The following SND1 variants were observed in gnomAD, a reference collection of about 807,000 sequenced individuals.
SND1 encodes the protein staphylococcal nuclease domain-containing protein 1.
A neutral mutation model predicts 121.7 loss-of-function variants in SND1; 38 were observed. The observed-to-expected ratio is 0.31, with a 90% confidence interval of 0.24 to 0.41. The LOEUF is 0.41. SND1 is among the 10% of genes least tolerant of loss of function. The pLI is 1.00. For synonymous variants in SND1, 401 were observed against 447.4 expected, an observed-to-expected ratio of 0.90 and a Z score of 1.31; for missense variants, 868 against 1,184.6, an observed-to-expected ratio of 0.73 and a Z score of 3.92.
intron 15 of SND1, among the ~76,000 whole-genome samples, chr7:127,985,254 A>T (rs1429997027): frequency 1.3e-5 from 2 of 152,174 alleles, no homozygotes; most frequent in Non-Finnish European, 2.9e-5. Context: ...TGAGTTGTCC[A>T]CTACATTCTG....
chr7:128,033,872 A>G (rs946080911), intron 16 of SND1, among the ~76,000 whole-genome samples: 1 of 152,228 alleles, frequency 6.6e-6, no homozygotes, highest in Admixed American at 6.5e-5. Context: ...TAGTGGGATG[A>G]GAACTCAGGT....
chr7:127,960,743 T>A (rs1306553506), intron 15 of SND1, among the ~76,000 whole-genome samples: 2 of 152,214 alleles, frequency 1.3e-5, no homozygotes, highest in African/African-American at 4.8e-5. Context: ...TATTCAGATC[T>A]TCCCTGTGTT....
At chr7:127,963,327 A>G (rs1309314214) in intron 15 of SND1, among the ~76,000 whole-genome samples, 1 of 147,558 alleles carries the variant, frequency 6.8e-6, no homozygotes, top group African/African-American at 2.5e-5. Context: ...ATATGTATAC[A>G]TGTGCCATGC....
intron 13 of SND1, among the ~76,000 whole-genome samples, chr7:127,895,212 A>C (rs1227121354): frequency 6.6e-6 from 1 of 152,088 alleles, no homozygotes; most frequent in African/African-American, 2.4e-5. Flanking sequence ...TGACCTCAAC[A>C]AGGGAAAATT....
intron 15 of SND1, among the ~76,000 whole-genome samples, chr7:127,983,646 T>C (rs1309112410): frequency 6.6e-6 from 1 of 152,116 alleles, no homozygotes; most frequent in African/African-American, 2.4e-5. Flanking sequence ...TCAACAAAAA[T>C]TGTGTTGAAA....
intron 10 of SND1, among the ~76,000 whole-genome samples, chr7:127,791,781 C>G (rs1342664853): frequency 6.6e-6 from 1 of 152,156 alleles, no homozygotes; most frequent in African/African-American, 2.4e-5. Flanking sequence ...AGAAAAATGA[C>G]ATTTTGCTGG....
chr7:127,870,926 T>C (rs947217373), intron 12 of SND1, among the ~76,000 whole-genome samples: 10 of 152,196 alleles, frequency 6.6e-5, no homozygotes, highest in Admixed American at 6.5e-4. Context: ...AAAACAAACA[T>C]TGCACAGCTA....
At chr7:127,854,831 T>A (rs541098607) in intron 12 of SND1, among the ~76,000 whole-genome samples, 15 of 152,066 alleles carry the variant, frequency 9.9e-5, no homozygotes, top group African/African-American at 3.4e-4. Context: ...TTATAAATTT[T>A]TGTAACTCAC....
At chr7:127,859,016 T>G (rs555678661) in intron 12 of SND1, among the ~76,000 whole-genome samples, 8 of 152,320 alleles carry the variant, frequency 5.3e-5, no homozygotes, top group African/African-American at 1.9e-4. Context: ...TCTCTCCATT[T>G]TGGACCTTTC....
intron 12 of SND1, among the ~76,000 whole-genome samples, chr7:127,856,595 G>A (rs1799278136): frequency 6.6e-6 from 1 of 152,154 alleles, no homozygotes; most frequent in Non-Finnish European, 1.5e-5. Flanking sequence ...AAAGGGAGGT[G>A]GACTGCCTTC....
intron 22 of SND1, among the ~76,000 whole-genome samples, chr7:128,091,275 G>A (rs1324505589): frequency 6.6e-6 from 1 of 152,220 alleles, no homozygotes; most frequent in Non-Finnish European, 1.5e-5. Flanking sequence ...CAATGGCACA[G>A]TGCCGGAATC....
At chr7:127,841,048 G>A (rs1406031675) in intron 11 of SND1, among the ~76,000 whole-genome samples, 1 of 152,106 alleles carries the variant, frequency 6.6e-6, no homozygotes, top group African/African-American at 2.4e-5. Context: ...TGGCCTTCTG[G>A]CCTGAGAGAT....
chr7:127,890,706 G>A (rs1166394355), intron 13 of SND1, among the ~76,000 whole-genome samples: 1 of 152,150 alleles, frequency 6.6e-6, no homozygotes, highest in East Asian at 1.9e-4. Flanking sequence ...GCCATGTTTT[G>A]CTATAATACT....
chr7:127,659,568 T>G (rs1795273141), intron 1 of SND1, among the ~76,000 whole-genome samples: 1 of 152,174 alleles, frequency 6.6e-6, no homozygotes, highest in Non-Finnish European at 1.5e-5. Context: ...GGGTTCTTAG[T>G]TCTGTTTATG....
intron 10 of SND1, among the ~76,000 whole-genome samples, chr7:127,724,187 G>A (rs888824012): frequency 1.3e-5 from 2 of 152,168 alleles, no homozygotes; most frequent in Admixed American, 6.5e-5. Context: ...AGTCTAGTAG[G>A]GGAAATACAC....
chr7:127,848,247 G>T (rs528771097), intron 12 of SND1, among the ~76,000 whole-genome samples: 1 of 152,168 alleles, frequency 6.6e-6, no homozygotes, highest in Non-Finnish European at 1.5e-5. Context: ...TAACACATGC[G>T]AATGTTTTAG....
chr7:128,027,548 C>T (rs1036908843), intron 16 of SND1: 1 of 152,340 alleles, frequency 6.6e-6, no homozygotes, highest in African/African-American at 2.4e-5. Context: ...TTGACATCCG[C>T]TGTAATAATC....
intron 16 of SND1, chr7:128,028,528 C>G (rs964467136): frequency 7.3e-5 from 49 of 670,130 alleles, no homozygotes; most frequent in Middle Eastern, 4.8e-4. Context: ...GACTTTTTGT[C>G]TTTAAATTTT....
intron 13 of SND1, among the ~76,000 whole-genome samples, chr7:127,898,036 C>T (rs954777137): frequency 6.6e-6 from 1 of 152,110 alleles, no homozygotes; most frequent in Non-Finnish European, 1.5e-5. Context: ...ATCCTTTGAT[C>T]CTAATCTGGG....
Sources: allele counts gnomAD v4.1 joint callset (sites outside exome capture counted in the v4.1 genomes callset), GRCh38; gene constraint gnomAD v4.1.1; transcripts MANE v1.5; gene names NCBI Gene and HGNC (gene_info 2026-07-23, HGNC 2026-07-21).